Variants in MGAT4C observed in about 807,000 individuals in gnomAD.
MGAT4C encodes MGAT4 family member C, also known as alpha-1,3-mannosyl-glycoprotein 4-beta-N-acetylglucosaminyltransferase C.
Under a neutral mutation model 40.1 loss-of-function variants are expected in MGAT4C, and 19 were observed. The ratio of observed to expected loss-of-function variants is 0.47; its 90% CI spans 0.33 to 0.70. The LOEUF (loss-of-function observed/expected upper bound fraction) is 0.70. MGAT4C is among the 30% of genes least tolerant of loss of function. The probability of loss-of-function intolerance (pLI) is 0.02; values close to 1 mark genes in which losing one functional copy is unlikely to be tolerated. For missense variants in MGAT4C, 491 were observed against 563.2 expected (o/e 0.87, Z 1.30); for synonymous variants, 181 against 187.1 (o/e 0.97, Z 0.27).
intron 1 of MGAT4C, among the ~76,000 whole-genome samples, chr12:86,777,013 C>T (rs529265948): frequency 6.6e-6 from 1 of 151,868 alleles, no homozygotes; most frequent in Non-Finnish European, 1.5e-5. Flanking sequence ...TAGGACTTAC[C>T]CACTTCTTCG....
intron 1 of MGAT4C, among the ~76,000 whole-genome samples, chr12:86,824,924 T>C (rs548781082): frequency 2.6e-5 from 4 of 151,334 alleles, no homozygotes; most frequent in Non-Finnish European, 5.9e-5. Flanking sequence ...GAATTTATAT[T>C]GAGTTAAATA....
At chr12:86,569,637 T>C (rs1447848372) in intron 2 of MGAT4C, among the ~76,000 whole-genome samples, 2 of 152,078 alleles carry the variant, frequency 1.3e-5, no homozygotes, top group Non-Finnish European at 2.9e-5. Flanking sequence ...CTGATATTTC[T>C]CAAAACACTA....
At chr12:86,009,768 C>G (rs1888272307) in intron 2 of MGAT4C, among the ~76,000 whole-genome samples, 1 of 152,172 alleles carries the variant, frequency 6.6e-6, no homozygotes, top group Admixed American at 6.5e-5. Flanking sequence ...CCTACACATT[C>G]TTTCCTTTAT....
Position 86,443,376 on chromosome 12 carries a change from T to A in MGAT4C, c.-228-8111A>T, listed in dbSNP as rs73189371. On this transcript the variant is annotated intron_variant, in intron 2 of 7. Transcript: ENST00000548651. The stretch of plus-strand genomic sequence containing the variant: ...AACCCCTCATTTTGTCATAGAAGCA[T>A]GCTGAATAGACCTGGAGAAAAATTC... Among the ~76,000 whole-genome samples the A allele has an allele frequency of 9.1e-3, 1,378 of 152,260 alleles. 8 individuals are homozygous for A. The highest frequency in any genetic ancestry group is 0.017 in the Middle Eastern group (5 of 294).
rs905434901 is a variant in MGAT4C, at chr12:85,975,540, G to T, written c.*3749C>A. On this transcript the variant is annotated 3_prime_UTR_variant, in exon 5 of 5. Transcript: ENST00000611864. ...TGGGAGGCTGGTAATGCAGAACTGGGTGTCAAAATCAAGTCTGTATGAACC... is the reference window on the plus strand; with the variant it reads ...TGGGAGGCTGGTAATGCAGAACTGGTTGTCAAAATCAAGTCTGTATGAACC... The T allele has an allele frequency of 3.3e-5, 5 of 150,808 alleles. No individual in the cohort carries two copies. The highest frequency in any genetic ancestry group is 6.6e-5 in the Admixed American group (1 of 15,096). 9.3% of individuals were successfully genotyped at this position (150,808 alleles called of 1,614,324 possible).
At chr12:86,834,173 T>C (rs200833825) in intron 1 of MGAT4C, among the ~76,000 whole-genome samples, 1 of 3,042 alleles carries the variant, frequency 3.3e-4, no homozygotes, top group Non-Finnish European at 6.5e-4. Context: ...TAGAGATAGA[T>C]AGATATAGAT....
chr12:86,066,880 A>G (rs1362224929), intron 1 of MGAT4C, among the ~76,000 whole-genome samples: 2 of 152,140 alleles, frequency 1.3e-5, no homozygotes, highest in Non-Finnish European at 2.9e-5. Context: ...AAACCACCAC[A>G]TCAAAAAGTA....
At chr12:86,066,597 C>T (rs1894568062) in intron 1 of MGAT4C, among the ~76,000 whole-genome samples, 1 of 152,104 alleles carries the variant, frequency 6.6e-6, no homozygotes, top group African/African-American at 2.4e-5. Context: ...TGACCTAAAA[C>T]CATAAAAACC....
chr12:86,802,355 C>A (rs918653842), intron 1 of MGAT4C, among the ~76,000 whole-genome samples: 3 of 151,736 alleles, frequency 2.0e-5, no homozygotes, highest in Non-Finnish European at 4.4e-5. Flanking sequence ...ACTAAATATT[C>A]TGTTCCTTTT....
At chr12:86,830,240 T>A (rs1952895092) in intron 1 of MGAT4C, among the ~76,000 whole-genome samples, 1 of 151,542 alleles carries the variant, frequency 6.6e-6, no homozygotes, top group East Asian at 2.0e-4. Context: ...TATCCATCCA[T>A]CTCTCTCTGT....
chr12:86,659,380 A>T (rs991299675), intron 2 of MGAT4C, among the ~76,000 whole-genome samples: 5 of 152,092 alleles, frequency 3.3e-5, no homozygotes, highest in African/African-American at 1.2e-4. Flanking sequence ...GCTGAATTAG[A>T]TCAACTTCAA....
Position 86,468,803 on chromosome 12 carries a change from T to TA in MGAT4C, c.-228-33539dup, listed in dbSNP as rs923342804. Among the ~76,000 whole-genome samples the TA allele has an allele frequency of 1.8e-4, 28 of 152,160 alleles. 1 individual carries two copies. The highest frequency in any genetic ancestry group is 1.7e-3 in the Admixed American group (26 of 15,272). ...CTAGTGTGCTTTTCTTCTAGATTCC[T>TA]ATTTCACTAACTGCTTCAGGTCCCT... is the stretch of plus-strand genomic sequence containing the variant. On this transcript the variant is annotated intron_variant, in intron 2 of 7. Transcript: ENST00000548651.
chr12:86,419,233 A>T (rs929111185), intron 3 of MGAT4C, among the ~76,000 whole-genome samples: 1 of 152,068 alleles, frequency 6.6e-6, no homozygotes, highest in Non-Finnish European at 1.5e-5. Flanking sequence ...TTATACCTAA[A>T]TTAAGATAAT....
chr12:86,736,334 GA>G (rs1950985507), intron 1 of MGAT4C, among the ~76,000 whole-genome samples: 1 of 151,746 alleles, frequency 6.6e-6, no homozygotes, highest in East Asian at 2.0e-4. Flanking sequence ...CCAGCTCCAA[GA>G]ATCTTTTGAA....
At chr12:86,395,112 T>C (rs1956235530) in intron 3 of MGAT4C, among the ~76,000 whole-genome samples, 2 of 152,124 alleles carry the variant, frequency 1.3e-5, no homozygotes, top group South Asian at 2.1e-4. Context: ...CATAATTTAG[T>C]AAAGTAATGT....
At chr12:86,583,590 G>A (rs4374001) in intron 2 of MGAT4C, among the ~76,000 whole-genome samples, 128,467 of 150,956 alleles carry the variant, frequency 0.85, 55,192 homozygotes, top group East Asian at 0.96. Flanking sequence ...GTATTTAAAT[G>A]GTACCACAAA....
At chr12:85,983,823 A>G (rs1279610638) in intron 3 of MGAT4C, among the ~76,000 whole-genome samples, 153 bp from the exon 4 acceptor site, 1 of 152,192 alleles carries the variant, frequency 6.6e-6, no homozygotes, top group Non-Finnish European at 1.5e-5. Flanking sequence ...GCTGTAGCTC[A>G]TCATCACTCA....
intron 1 of MGAT4C, among the ~76,000 whole-genome samples, chr12:86,733,123 T>C (rs764920459): frequency 8.5e-5 from 13 of 152,220 alleles, no homozygotes; most frequent in Admixed American, 5.2e-4. Context: ...AAAGAAAGGT[T>C]GAAAAATGCA....
intron 2 of MGAT4C, among the ~76,000 whole-genome samples, chr12:86,475,760 A>G (rs539424523): frequency 6.6e-6 from 1 of 152,228 alleles, no homozygotes; most frequent in Non-Finnish European, 1.5e-5. Context: ...TTTCATGACA[A>G]TCATTTCTTT....
Sources: gnomAD v4.1 joint callset for allele counts (sites outside exome capture counted in the v4.1 genomes callset) on GRCh38, gnomAD v4.1.1 for gene constraint, MANE v1.5 for transcripts, NCBI Gene and HGNC (gene_info 2026-07-23, HGNC 2026-07-21) for gene names.